SLC9A9: variants seen among roughly 807,000 people sequenced by gnomAD.
SLC9A9 encodes sodium/hydrogen exchanger 9.
Under a neutral mutation model 77.8 loss-of-function variants are expected in SLC9A9, and 62 were observed. The ratio of observed to expected loss-of-function variants is 0.80; its 90% confidence interval spans 0.65 to 0.98. The LOEUF is 0.98. Among genes scored for constraint, SLC9A9 ranks in the 50% least tolerant of loss-of-function variants. SLC9A9 has a pLI of 0.00. For synonymous variants in SLC9A9, 320 were observed against 283.5 expected (o/e 1.13, Z -1.29); for missense variants, 775 against 774.9 (o/e 1.00, Z 0.00).
intron 12 of SLC9A9, among the ~76,000 whole-genome samples, chr3:143,459,547 T>G (rs1199171181): frequency 6.6e-6 from 1 of 152,176 alleles, no homozygotes; most frequent in African/African-American, 2.4e-5. Context: ...ATACCCAGTG[T>G]CCAGTTGGGG....
chr3:143,736,722 C>A lies in SLC9A9; in HGVS notation c.534-43415G>T, dbSNP rs115257885. Among the ~76,000 whole-genome samples the A allele has an allele frequency of 3.9e-3, 588 of 152,274 alleles. 5 individuals are homozygous for A. The highest frequency in any genetic ancestry group is 0.013 in the African/African-American group (548 of 41,544). On this transcript the variant is annotated intron_variant, in intron 4 of 15. Transcript: ENST00000316549. ...AGGTAATATCACAAAAGACGAATAT[C>A]TCACAGTTCTGTGCTTCTGCATATG...
intron 9 of SLC9A9, among the ~76,000 whole-genome samples, chr3:143,509,525 A>G (rs2036079536): frequency 6.6e-6 from 1 of 152,210 alleles, no homozygotes; most frequent in African/African-American, 2.4e-5. Context: ...AATGCCAAAA[A>G]TTATAAATTA....
intron 9 of SLC9A9, among the ~76,000 whole-genome samples, chr3:143,520,940 C>T (rs1443236010): frequency 6.6e-6 from 1 of 152,158 alleles, no homozygotes; most frequent in Admixed American, 6.5e-5. Context: ...AGCTTATCTC[C>T]TATGGAACTG....
At chr3:143,286,972 A>G (rs1032871483) in intron 14 of SLC9A9, among the ~76,000 whole-genome samples, 1 of 152,198 alleles carries the variant, frequency 6.6e-6, no homozygotes, top group African/African-American at 2.4e-5. Context: ...AAAACTCTCC[A>G]TGTCTCAGAC....
chr3:143,702,093 A>G (rs955133212), intron 4 of SLC9A9, among the ~76,000 whole-genome samples: 2 of 152,216 alleles, frequency 1.3e-5, no homozygotes, highest in Non-Finnish European at 2.9e-5. Context: ...TGCAGGAGAA[A>G]TAAAGACTTT....
chr3:143,276,558 A>AGT (rs1233277793), intron 14 of SLC9A9, among the ~76,000 whole-genome samples: 9 of 152,142 alleles, frequency 5.9e-5, no homozygotes, highest in African/African-American at 2.2e-4. Flanking sequence ...TGATTAGTAA[A>AGT]GTGTCTAGCA....
intron 4 of SLC9A9, among the ~76,000 whole-genome samples, chr3:143,745,350 A>C (rs1935176434): frequency 6.6e-6 from 1 of 152,258 alleles, no homozygotes; most frequent in African/African-American, 2.4e-5. Flanking sequence ...AAGAAGGAAG[A>C]GACATGTTTG....
intron 12 of SLC9A9, among the ~76,000 whole-genome samples, chr3:143,382,808 C>T (rs2033337343): frequency 6.6e-6 from 1 of 152,166 alleles, no homozygotes; most frequent in Non-Finnish European, 1.5e-5. Flanking sequence ...TAACTTTCTT[C>T]CGGAATTTTT....
intron 1 of SLC9A9, among the ~76,000 whole-genome samples, chr3:143,847,283 G>A (rs943847133): frequency 5.3e-5 from 8 of 152,176 alleles, no homozygotes; most frequent in African/African-American, 1.9e-4. Context: ...TCCATTATCA[G>A]GCTGAGATAA....
At chr3:143,274,095 G>A (rs1349762758) in intron 14 of SLC9A9, among the ~76,000 whole-genome samples, 2 of 152,238 alleles carry the variant, frequency 1.3e-5, no homozygotes, top group South Asian at 2.1e-4. Flanking sequence ...ATACTTGGGA[G>A]TGGATTAACA....
At chr3:143,771,868 T>C (rs2007531375) in intron 4 of SLC9A9, among the ~76,000 whole-genome samples, 1 of 152,086 alleles carries the variant, frequency 6.6e-6, no homozygotes, top group African/African-American at 2.4e-5. Flanking sequence ...CCACATCTCA[T>C]TCTTGAGGGG....
intron 6 of SLC9A9, among the ~76,000 whole-genome samples, chr3:143,623,086 C>T (rs2108715925): frequency 6.6e-6 from 1 of 152,202 alleles, no homozygotes; most frequent in Non-Finnish European, 1.5e-5. Flanking sequence ...TATGTGCACC[C>T]AATATAGGAG....
intron 4 of SLC9A9, among the ~76,000 whole-genome samples, chr3:143,719,443 C>T (rs1461618709): frequency 1.3e-5 from 2 of 152,000 alleles, no homozygotes; most frequent in Admixed American, 1.3e-4. Context: ...CAAGTAGGGC[C>T]TTTCAGGGAT....
chr3:143,649,424 T>C (rs919874990), intron 6 of SLC9A9, among the ~76,000 whole-genome samples: 21 of 152,154 alleles, frequency 1.4e-4, no homozygotes, highest in African/African-American at 3.9e-4. Flanking sequence ...TTCTGGAACA[T>C]TGTAAATCAC....
intron 4 of SLC9A9, among the ~76,000 whole-genome samples, chr3:143,774,780 T>G (rs1189197420): frequency 6.6e-6 from 1 of 152,188 alleles, no homozygotes; most frequent in African/African-American, 2.4e-5. Context: ...CCTTTCAAAT[T>G]GACCTGGCAC....
intron 12 of SLC9A9, among the ~76,000 whole-genome samples, chr3:143,386,566 T>A (rs2033431532): frequency 6.6e-6 from 1 of 152,226 alleles, no homozygotes; most frequent in Non-Finnish European, 1.5e-5. Flanking sequence ...GCTTAGGACC[T>A]GTTATATAGT....
At chr3:143,532,245 G>A (rs1001043449) in intron 9 of SLC9A9, among the ~76,000 whole-genome samples, 3 of 152,174 alleles carry the variant, frequency 2.0e-5, no homozygotes, top group Non-Finnish European at 4.4e-5. Context: ...TGTAGTGCAA[G>A]CTGATTCCAT....
At chr3:143,571,334 T>C (rs1450534877) in intron 8 of SLC9A9, among the ~76,000 whole-genome samples, 2 of 152,222 alleles carry the variant, frequency 1.3e-5, no homozygotes, top group African/African-American at 4.8e-5. Context: ...TTTTAAGTTT[T>C]CTAGATTTTT....
In SLC9A9 at chr3:143,266,092, T is replaced by A. The variant is rs1211039384; in HGVS notation, c.*610A>T. 6 of 702,280 alleles carry A rather than the reference T, an allele frequency of 8.5e-6. No individual in the cohort carries two copies. Among genetic ancestry groups the A allele is most frequent in the Admixed American group, 2.0e-5 (1 of 49,998 alleles). 43.5% of individuals were successfully genotyped at this position (702,280 alleles called of 1,614,324 possible). A position where few individuals can be genotyped will look rare whatever the true frequency, so the allele number is the denominator to read the frequency against. On this transcript the variant is annotated 3_prime_UTR_variant, in exon 16 of 16. Coordinates refer to ENST00000316549, the MANE Select transcript of SLC9A9 (RefSeq NM_173653.4). ...CCTTTGAGCGATGGGAGAAGTAGCA[T>A]AAGAAGGATGCCAAGAAGAACAATA...
Sources: gnomAD v4.1 joint callset for allele counts (sites outside exome capture counted in the v4.1 genomes callset) on GRCh38, gnomAD v4.1.1 for gene constraint, MANE v1.5 for transcripts, NCBI Gene and HGNC (gene_info 2026-07-23, HGNC 2026-07-21) for gene names.